The following SRD5A2 variants were observed in gnomAD, a reference collection of about 807,000 sequenced individuals.
SRD5A2 encodes steroid 5 alpha-reductase 2, also known as 3-oxo-5-alpha-steroid 4-dehydrogenase 2.
Under a neutral mutation model 27.4 loss-of-function variants are expected in SRD5A2, and 30 were observed. That is an observed-to-expected ratio of 1.10 (90% CI 0.82 to 1.49). The LOEUF (loss-of-function observed/expected upper bound fraction) is 1.49, where lower values mean the gene tolerates loss of function less well. Ranked by LOEUF, SRD5A2 falls within the 40% of genes most tolerant of loss-of-function variation. The pLI, the probability that SRD5A2 is intolerant of heterozygous loss-of-function variation, is 0.00. For synonymous variants in SRD5A2, 141 were observed against 133.6 expected (o/e 1.06, Z -0.38); for missense variants, 348 against 323.4 (o/e 1.08, Z -0.58).
chr2:31,578,255 T>A (rs1435792989), intron 1 of SRD5A2, among the ~76,000 whole-genome samples: 2 of 152,092 alleles, frequency 1.3e-5, no homozygotes, highest in South Asian at 2.1e-4. Flanking sequence ...AATTTTTACA[T>A]AATAATTTTA....
chr2:31,660,691 A>T, the SRD5A2 span, among the ~76,000 whole-genome samples: 1 of 152,116 alleles, frequency 6.6e-6, no homozygotes, highest in East Asian at 1.9e-4. Context: ...AAACTACTAT[A>T]AAAATTAAGT....
chr2:31,571,190 C>G (rs1430162901), intron 1 of SRD5A2, among the ~76,000 whole-genome samples: 1 of 152,122 alleles, frequency 6.6e-6, no homozygotes, highest in Non-Finnish European at 1.5e-5. Context: ...ACCAATGGAA[C>G]AGGATAGAGT....
At chr2:31,542,444 T>C (rs559811506) in intron 1 of SRD5A2, among the ~76,000 whole-genome samples, 156 of 152,172 alleles carry the variant, frequency 1.0e-3, no homozygotes, top group African/African-American at 3.5e-3. Flanking sequence ...CCAAGGAGGT[T>C]GAGGCTGCAG....
chr2:31,551,202 A>G (rs531385915), intron 1 of SRD5A2, among the ~76,000 whole-genome samples: 35 of 152,112 alleles, frequency 2.3e-4, no homozygotes, highest in Non-Finnish European at 4.9e-4. Context: ...AAATAAATTA[A>G]AGATCTTTTT....
At chr2:31,628,744 G>T in the SRD5A2 span, among the ~76,000 whole-genome samples, 2 of 152,100 alleles carry the variant, frequency 1.3e-5, no homozygotes, top group African/African-American at 4.8e-5. Context: ...GGCTGGATAT[G>T]ACATTCTTGG....
intron 1 of SRD5A2, among the ~76,000 whole-genome samples, chr2:31,538,659 C>T (rs1388479456): frequency 1.3e-5 from 2 of 152,218 alleles, no homozygotes; most frequent in African/African-American, 2.4e-5. Context: ...CTGCTCTCTT[C>T]TACCACTTTT....
chr2:31,624,073 T>C, the SRD5A2 span, among the ~76,000 whole-genome samples: 5 of 152,108 alleles, frequency 3.3e-5, no homozygotes, highest in Admixed American at 2.6e-4. Context: ...TCTTTTTTTG[T>C]TGCTGTTTTT....
chr2:31,533,602 C>A lies in SRD5A2; in HGVS notation c.445+1G>T, dbSNP rs1349178543. The A allele has an allele frequency of 1.9e-6, 3 of 1,551,326 alleles. No homozygotes were observed. In the South Asian group the frequency reaches 3.6e-5, roughly 18 times the overall value. ...GGTGAGAAGTGGGCAGATTCACTTACCCAAGCTAAACCGTATGTCTGTGTA... is the reference window on the plus strand; with the variant it reads ...GGTGAGAAGTGGGCAGATTCACTTAACCAAGCTAAACCGTATGTCTGTGTA... On this transcript the variant is annotated splice_donor_variant, in intron 2 of 4. Coordinates refer to ENST00000622030, the MANE Select transcript of SRD5A2 (RefSeq NM_000348.4). LOFTEE classifies it high-confidence loss of function.
At chr2:31,650,428 C>T in the SRD5A2 span, among the ~76,000 whole-genome samples, 3 of 152,232 alleles carry the variant, frequency 2.0e-5, no homozygotes, top group Middle Eastern at 3.4e-3. Context: ...CCAGGAACCT[C>T]GAGAACTGCA....
the SRD5A2 span, among the ~76,000 whole-genome samples, chr2:31,654,185 G>A: frequency 6.6e-6 from 1 of 152,064 alleles, no homozygotes; most frequent in Non-Finnish European, 1.5e-5. Flanking sequence ...AGTTATACCT[G>A]CTGTTTGCAA....
At chr2:31,629,550 G>T in the SRD5A2 span, among the ~76,000 whole-genome samples, 1 of 152,110 alleles carries the variant, frequency 6.6e-6, no homozygotes, top group Non-Finnish European at 1.5e-5. Flanking sequence ...AGGCTATCTG[G>T]GAAAGGGCTT....
intron 1 of SRD5A2, among the ~76,000 whole-genome samples, chr2:31,561,361 A>G (rs1666619245): frequency 6.6e-6 from 1 of 152,124 alleles, no homozygotes; most frequent in Admixed American, 6.6e-5. Context: ...TTCCCCAAAG[A>G]GCAATGACTC....
At chr2:31,640,986 C>A in the SRD5A2 span, among the ~76,000 whole-genome samples, 717 of 152,212 alleles carry the variant, frequency 4.7e-3, 7 homozygotes, top group Non-Finnish European at 7.7e-3. Flanking sequence ...TGGTGCTGAG[C>A]AGAATGTGGG....
rs1430037381 is a variant in SRD5A2, at chr2:31,531,765, TAAAC to T, written c.446-297_446-294del. ...CACCATTGTCCAGTATTTAAATAGATAAACAAACAAATGCATGGATCATAATAGT... is the reference window on the plus strand; with the variant it reads ...CACCATTGTCCAGTATTTAAATAGATAAACAAATGCATGGATCATAATAGT... On this transcript the variant is annotated intron_variant, in intron 2 of 4. Transcript: ENST00000622030. 4.6e-5 allele frequency among the ~76,000 whole-genome samples: 7 copies of T among 152,286 alleles called. No homozygotes were observed. The South Asian group carries it at 1.2e-3, about 27-fold the overall frequency.
chr2:31,605,722 T>C, the SRD5A2 span, among the ~76,000 whole-genome samples: 215 of 151,728 alleles, frequency 1.4e-3, no homozygotes, highest in African/African-American at 5.0e-3. Flanking sequence ...ATAACCACTA[T>C]GGCGAGTAGT....
chr2:31,589,672 A>G, the SRD5A2 span, among the ~76,000 whole-genome samples: 2 of 152,192 alleles, frequency 1.3e-5, no homozygotes, highest in African/African-American at 4.8e-5. Context: ...GGGAGGGGCC[A>G]CAGGGTGAAG....
chr2:31,526,331 C>A, intron 4 of SRD5A2, 69 bp from the exon 5 acceptor site: 8 of 1,037,672 alleles, frequency 7.7e-6, no homozygotes, highest in Non-Finnish European at 1.2e-5. Context: ...TTTGCTCTTA[C>A]CAAATCTTTG....
intron 1 of SRD5A2, among the ~76,000 whole-genome samples, chr2:31,554,184 C>T (rs796344785): frequency 5.3e-5 from 8 of 152,152 alleles, no homozygotes; most frequent in African/African-American, 1.9e-4. Flanking sequence ...AGTACACTTG[C>T]AACCGATCTA....
chr2:31,595,629 A>G, the SRD5A2 span, among the ~76,000 whole-genome samples: 1 of 152,234 alleles, frequency 6.6e-6, no homozygotes, highest in Non-Finnish European at 1.5e-5. Context: ...CAGCATTCAA[A>G]GAAGAACTGG....
Sources: allele counts gnomAD v4.1 joint callset (sites outside exome capture counted in the v4.1 genomes callset), GRCh38; gene constraint gnomAD v4.1.1; transcripts MANE v1.5; gene names NCBI Gene and HGNC (gene_info 2026-07-23, HGNC 2026-07-21).